The following LRMDA variants were observed in gnomAD, a reference collection of about 807,000 sequenced individuals.
LRMDA encodes leucine rich melanocyte differentiation associated.
In LRMDA, 18 loss-of-function variants were observed where a neutral mutation model predicts 29.8. The ratio of observed to expected loss-of-function variants is 0.60; its 90% CI spans 0.42 to 0.90. The LOEUF is 0.90. Ranked by LOEUF, LRMDA falls within the 40% of genes least tolerant of loss-of-function variation. The pLI is 0.00. For missense variants in LRMDA, 273 were observed against 273.9 expected, an observed-to-expected ratio of 1.00 and a Z score of 0.02; for synonymous variants, 125 against 109.4, an observed-to-expected ratio of 1.14 and a Z score of -0.89.
At chr10:75,703,927 C>T (rs1214496726) in intron 2 of LRMDA, among the ~76,000 whole-genome samples, 2 of 152,224 alleles carry the variant, frequency 1.3e-5, no homozygotes, top group Non-Finnish European at 2.9e-5. Context: ...CTAAATGCTC[C>T]CAACAGTGAC....
chr10:75,955,989 A>C (rs7088837), intron 2 of LRMDA, among the ~76,000 whole-genome samples: 8,091 of 152,254 alleles, frequency 0.053, 652 homozygotes, highest in African/African-American at 0.18. Flanking sequence ...GCTTAAACCA[A>C]TTTATATTTA....
intron 2 of LRMDA, among the ~76,000 whole-genome samples, chr10:75,621,279 C>A (rs1376809191): frequency 6.6e-6 from 1 of 151,962 alleles, no homozygotes; most frequent in Non-Finnish European, 1.5e-5. Context: ...GATTGATGGG[C>A]ATTTGGGCTG....
At chr10:76,145,659 T>A (rs1399921223) in intron 5 of LRMDA, among the ~76,000 whole-genome samples, 1 of 152,104 alleles carries the variant, frequency 6.6e-6, no homozygotes, top group Non-Finnish European at 1.5e-5. Context: ...ATTCATTAAT[T>A]TTTTGAAGGT....
At chr10:76,446,838 C>T (rs1385032167) in intron 6 of LRMDA, among the ~76,000 whole-genome samples, 1 of 152,182 alleles carries the variant, frequency 6.6e-6, no homozygotes, top group African/African-American at 2.4e-5. Flanking sequence ...TTTGGGCAGA[C>T]CTGCCTTGTA....
chr10:75,853,151 C>T (rs1382869571), intron 2 of LRMDA, among the ~76,000 whole-genome samples: 1 of 152,112 alleles, frequency 6.6e-6, no homozygotes, highest in Non-Finnish European at 1.5e-5. Flanking sequence ...AACTACAGTA[C>T]AAGCTGAGAT....
chr10:75,847,110 A>G (rs910625298), intron 2 of LRMDA, among the ~76,000 whole-genome samples: 1 of 152,214 alleles, frequency 6.6e-6, no homozygotes, highest in Non-Finnish European at 1.5e-5. Context: ...GAAATGTATT[A>G]CAAAACAACA....
At chr10:75,836,249 A>C (rs531093484) in intron 2 of LRMDA, among the ~76,000 whole-genome samples, 56 of 152,320 alleles carry the variant, frequency 3.7e-4, no homozygotes, top group African/African-American at 1.3e-3. Flanking sequence ...GCAGCTGCAC[A>C]GAAGGCTGCT....
At position 76,026,635 on chromosome 10, in the gene LRMDA, A is replaced by G. The variant is rs1016767621; in HGVS notation, c.132-9373A>G. Among the ~76,000 whole-genome samples the G allele has an allele frequency of 5.3e-5, 8 of 152,312 alleles. No homozygotes were observed. In the East Asian group the frequency reaches 1.2e-3, roughly 22 times the overall value. ...TAGGAAAATATTAAAGAAGCCTTGC[A>G]CAGTCCCAGCTAGAAGAATGAGGCA... On this transcript the variant is annotated intron_variant, in intron 2 of 6. Transcript: ENST00000611255.
rs186894850 is a variant in LRMDA, at chr10:76,089,572, C to T, written c.516+30789C>T. On this transcript the variant is annotated intron_variant, in intron 5 of 6. Transcript: ENST00000611255. ...GGTAGACTTGATGCAGACTCCAGCTCAGTCATCCTTGTCTGTTATGCTTGG... is the reference window on the plus strand; with the variant it reads ...GGTAGACTTGATGCAGACTCCAGCTTAGTCATCCTTGTCTGTTATGCTTGG... Among the ~76,000 whole-genome samples the T allele has an allele frequency of 3.9e-5, 6 of 152,238 alleles. No homozygotes were observed. In the East Asian group the frequency reaches 1.2e-3, roughly 29 times the overall value.
chr10:76,058,645 T>C (rs1848653752), intron 4 of LRMDA, 21 bp from the exon 5 acceptor site: 4 of 1,594,694 alleles, frequency 2.5e-6, no homozygotes, highest in African/African-American at 1.3e-5. Context: ...TCCTGAGTTG[T>C]CTCTGACTCT....
At chr10:75,527,079 T>A (rs1346306431) in intron 2 of LRMDA, among the ~76,000 whole-genome samples, 2 of 152,182 alleles carry the variant, frequency 1.3e-5, no homozygotes, top group Admixed American at 6.5e-5. Context: ...GCTTTCTGTC[T>A]CTACAAATTT....
intron 5 of LRMDA, among the ~76,000 whole-genome samples, chr10:76,114,545 A>T (rs1849634296): frequency 6.6e-6 from 1 of 152,110 alleles, no homozygotes; most frequent in Non-Finnish European, 1.5e-5. Context: ...GACAGAGGTA[A>T]TTTGGATTTT....
chr10:75,613,297 A>C (rs888964571), intron 2 of LRMDA, among the ~76,000 whole-genome samples: 3 of 152,158 alleles, frequency 2.0e-5, no homozygotes, highest in Admixed American at 2.0e-4. Flanking sequence ...TAACACATAC[A>C]TCAGACTTGC....
At chr10:76,206,647 G>A (rs1307209143) in intron 5 of LRMDA, among the ~76,000 whole-genome samples, 1 of 152,176 alleles carries the variant, frequency 6.6e-6, no homozygotes, top group East Asian at 1.9e-4. Flanking sequence ...GCAGCTGTGT[G>A]GGCTGTGTTA....
intron 6 of LRMDA, among the ~76,000 whole-genome samples, chr10:76,335,989 G>A (rs1221651449): frequency 1.3e-5 from 2 of 152,178 alleles, no homozygotes; most frequent in Non-Finnish European, 2.9e-5. Context: ...ACTTTGGAGT[G>A]CCCTGGCCAA....
chr10:75,626,881 A>G (rs1390923213), intron 2 of LRMDA, among the ~76,000 whole-genome samples: 1 of 152,234 alleles, frequency 6.6e-6, no homozygotes, highest in Non-Finnish European at 1.5e-5. Flanking sequence ...GGTTTTCTAC[A>G]GCCCCATCTT....
chr10:76,542,326 AT>A (rs906730245), intron 6 of LRMDA, among the ~76,000 whole-genome samples: 2 of 151,982 alleles, frequency 1.3e-5, no homozygotes, highest in African/African-American at 2.4e-5. Context: ...TGGCCGCTCA[AT>A]TTTTTTTGGA....
intron 6 of LRMDA, among the ~76,000 whole-genome samples, chr10:76,464,029 C>T (rs1338565924): frequency 6.7e-6 from 1 of 149,234 alleles, no homozygotes; most frequent in African/African-American, 2.5e-5. Context: ...AAGCGATTAT[C>T]ATGCCTCAGC....
intron 2 of LRMDA, among the ~76,000 whole-genome samples, chr10:75,720,529 G>A (rs527995571): frequency 1.3e-5 from 2 of 152,208 alleles, no homozygotes; most frequent in Non-Finnish European, 2.9e-5. Flanking sequence ...TGCCTTCGAA[G>A]TTTACTTTTT....
Sources: gnomAD v4.1 joint callset for allele counts (sites outside exome capture counted in the v4.1 genomes callset) on GRCh38, gnomAD v4.1.1 for gene constraint, MANE v1.5 for transcripts, NCBI Gene and HGNC (gene_info 2026-07-23, HGNC 2026-07-21) for gene names.